The following CCP110 variants were observed in gnomAD, a reference collection of about 807,000 sequenced individuals.
CCP110 encodes centriolar coiled-coil protein 110.
CCP110 carries 43 observed loss-of-function variants against 105.5 expected under a neutral mutation model. The observed-to-expected ratio is 0.41, with a 90% CI of 0.32 to 0.53. The LOEUF is 0.53. CCP110 is among the 20% of genes least tolerant of loss of function. The pLI is 0.32. For missense variants in CCP110, 1,016 were observed against 1,189.1 expected (o/e 0.85, Z 2.14); for synonymous variants, 353 against 392.1 (o/e 0.90, Z 1.18).
chr16:19,539,536 T>C (rs1389311711), intron 4 of CCP110, among the ~76,000 whole-genome samples: 1 of 151,868 alleles, frequency 6.6e-6, no homozygotes, highest in Non-Finnish European at 1.5e-5. Context: ...ATATTTTTTG[T>C]GGAGACAGGG....
chr16:19,551,334 C>T (rs1287925297), exon 15 of CCP110: 4 of 1,085,388 alleles, frequency 3.7e-6, no homozygotes, highest in Non-Finnish European at 5.7e-6. Flanking sequence ...TAACCCTGGA[C>T]TCCGTTTACA....
Position 19,530,507 on chromosome 16 carries a change from G to A in CCP110, c.142-1909G>A, listed in dbSNP as rs371473929. On this transcript the variant is annotated intron_variant, in intron 2 of 14. Coordinates refer to ENST00000381396, the Ensembl canonical transcript of CCP110. ...CTAAAAATACAAAAATTAGCTGGGC[G>A]TGGTGGTGGATGCCTGTAATCCCAG... Among the ~76,000 whole-genome samples the A allele has an allele frequency of 1.3e-4, 19 of 150,492 alleles. 1 individual carries two copies. The highest frequency in any genetic ancestry group is 2.9e-4 in the African/African-American group (12 of 40,888).
intron 4 of CCP110, among the ~76,000 whole-genome samples, chr16:19,538,631 A>T (rs952215136): frequency 2.0e-5 from 3 of 152,072 alleles, no homozygotes; most frequent in Non-Finnish European, 4.4e-5. Context: ...TGCCTGAAAC[A>T]TCACTTACAG....
chr16:19,534,795 C>G (rs73527782), intron 3 of CCP110, among the ~76,000 whole-genome samples: 2 of 149,396 alleles, frequency 1.3e-5, no homozygotes, highest in Non-Finnish European at 3.0e-5. Flanking sequence ...GGATTTGTAA[C>G]GTAAAATAGG....
At chr16:19,527,027 G>A (rs897424092) in intron 1 of CCP110, 1 of 152,104 alleles carries the variant, frequency 6.6e-6, no homozygotes, top group Admixed American at 6.6e-5. Context: ...TTTGCTAAAT[G>A]AATGAATATG....
chr16:19,547,074 C>A (rs1970487184), intron 12 of CCP110: 1 of 152,058 alleles, frequency 6.6e-6, no homozygotes, highest in African/African-American at 2.4e-5. Flanking sequence ...TTAGACAGTC[C>A]AGAGGATCTT....
intron 11 of CCP110, chr16:19,546,091 T>C: frequency 1.8e-6 from 1 of 551,518 alleles, no homozygotes; most frequent in Non-Finnish European, 3.2e-6. Flanking sequence ...ATTTACTAAA[T>C]TTGACAACAT....
In CCP110 at chr16:19,527,924, A is replaced by G. The variant is rs776088469; in HGVS notation, c.43A>G (p.Ile15Val). Residue 15 changes from isoleucine (I) to valine (V), a missense_variant, in exon 2 of 15, where the codon ATA (isoleucine) becomes GTA (valine). Coordinates refer to ENST00000381396, the Ensembl canonical transcript of CCP110. ...GTTCTGTGAAAAAAGTCTTGCCAGA[A>G]TACAAGAAGCATCACTATCCACAGA... 80 of 1,613,706 alleles carry G rather than the reference A, an allele frequency of 5.0e-5. No homozygotes were observed. The highest frequency in any genetic ancestry group is 1.0e-4 in the Admixed American group (6 of 59,980).
chr16:19,552,928 T>C (rs1005809483), exon 15 of CCP110: 6 of 152,204 alleles, frequency 3.9e-5, no homozygotes, highest in African/African-American at 1.4e-4. Flanking sequence ...AAAGTCCAAG[T>C]TACCAATTTT....
intron 4 of CCP110, among the ~76,000 whole-genome samples, chr16:19,539,554 A>G (rs1488494005): frequency 6.6e-6 from 1 of 151,872 alleles, no homozygotes; most frequent in Non-Finnish European, 1.5e-5. Context: ...GGGTTTCACC[A>G]TGTTGGCCAG....
chr16:19,551,221 A>G, exon 15 of CCP110: 4 of 1,612,832 alleles, frequency 2.5e-6, no homozygotes, highest in Non-Finnish European at 3.4e-6. Flanking sequence ...AAATCCAAAG[A>G]AAGCGGCCAA....
At chr16:19,527,887 G>A (rs1293072578) in exon 2 of CCP110, 1 of 1,612,130 alleles carries the variant, frequency 6.2e-7, no homozygotes, top group Non-Finnish European at 8.5e-7. Flanking sequence ...GGAAGATGGA[G>A]GAGTATGAGA....
intron 3 of CCP110, among the ~76,000 whole-genome samples, chr16:19,534,123 A>G (rs762967537): frequency 5.9e-5 from 9 of 152,166 alleles, no homozygotes; most frequent in Non-Finnish European, 1.5e-5. Context: ...TCACAGTAGT[A>G]TATAGTGTGT....
intron 1 of CCP110, among the ~76,000 whole-genome samples, chr16:19,524,518 C>T (rs1015237537): frequency 6.6e-6 from 1 of 152,144 alleles, no homozygotes; most frequent in Non-Finnish European, 1.5e-5. Context: ...CATTTATGAG[C>T]CCCTGTTTCC....
intron 1 of CCP110, chr16:19,525,686 A>G (rs1969646015): frequency 6.6e-6 from 1 of 152,226 alleles, no homozygotes; most frequent in Admixed American, 6.6e-5. Flanking sequence ...GCTTATTATT[A>G]TTCTTATTCA....
chr16:19,542,300 CCA>C (rs1970315243), intron 6 of CCP110, among the ~76,000 whole-genome samples: 1 of 152,116 alleles, frequency 6.6e-6, no homozygotes, highest in South Asian at 2.1e-4. Context: ...GGCTTAGAGC[CCA>C]GTCTGATCAT....
chr16:19,546,408 T>A lies in CCP110; in HGVS notation c.2778-4T>A. ...ATTATGTCCTTATTTTTATATTGTG[T>A]TAGAGCTGCTGAAATGGGAATGCCA... On this transcript the variant is annotated splice_region_variant and splice_polypyrimidine_tract_variant and intron_variant, in intron 11 of 14. Coordinates refer to ENST00000381396, the Ensembl canonical transcript of CCP110. The A allele has an allele frequency of 1.3e-6, 2 of 1,524,226 alleles. No individual in the cohort carries two copies. The highest frequency in any genetic ancestry group is 1.8e-6 in the Non-Finnish European group (2 of 1,099,342). 94.4% of individuals were successfully genotyped at this position (1,524,226 alleles called of 1,614,324 possible).
At chr16:19,537,200 A>C (rs138742987) in exon 4 of CCP110, 1 of 1,614,206 alleles carries the variant, frequency 6.2e-7, no homozygotes, top group South Asian at 1.1e-5. Context: ...ATATGCCAGC[A>C]GTCAGTGTAT....
Position 19,527,990 on chromosome 16 carries a change from C to T in CCP110, c.109C>T (p.Arg37Cys), listed in dbSNP as rs1029428552. 7.4e-6 allele frequency: 12 copies of T among 1,612,968 alleles called. No homozygotes were observed. Among genetic ancestry groups the T allele is most frequent in the African/African-American group, 4.0e-5 (3 of 74,976 alleles). Residue 37 changes from arginine (R) to cysteine (C), a missense_variant, in exon 2 of 15, where the codon CGC (arginine) becomes TGC (cysteine). By Grantham distance (180) the Arg-to-Cys change is radical. Transcript: ENST00000381396. ...TCAGTCTGAAAGTATCTCACTTATT[C>T]GCTTTCATGGAGTGGCTATCCTTTC...
Sources: gnomAD v4.1 joint callset for allele counts (sites outside exome capture counted in the v4.1 genomes callset) on GRCh38, gnomAD v4.1.1 for gene constraint, MANE v1.5 for transcripts, NCBI Gene and HGNC (gene_info 2026-07-23, HGNC 2026-07-21) for gene names.